CCDC14: variants seen among roughly 807,000 people sequenced by gnomAD.
The protein encoded by CCDC14 is coiled-coil domain-containing protein 14.
In CCDC14, 71 loss-of-function variants were observed where a neutral mutation model predicts 81.4. The observed-to-expected ratio is 0.87, with a 90% confidence interval of 0.72 to 1.06. The LOEUF is 1.06. Among genes scored for constraint, CCDC14 ranks in the 50% least tolerant of loss-of-function variants. The pLI is 0.00. For synonymous variants in CCDC14, 332 were observed against 364.8 expected (o/e 0.91, Z 1.03); for missense variants, 1,046 against 1,047.3 (o/e 1.00, Z 0.02).
At chr3:123,896,133 C>T (rs190793007), downstream of CCDC14, among the ~76,000 whole-genome samples, 5 of 152,278 alleles carry the variant, frequency 3.3e-5, no homozygotes, top group Non-Finnish European at 5.9e-5. Context: ...TTGAGAGATG[C>T]GGTCTTTAAG....
intron 12 of CCDC14, among the ~76,000 whole-genome samples, chr3:123,922,081 G>A (rs1166621739): frequency 1.3e-5 from 2 of 152,130 alleles, no homozygotes; most frequent in Non-Finnish European, 2.9e-5. Context: ...GAAATTTTGG[G>A]AAATTCACAA....
chr3:123,891,779 GCTT>G, the CCDC14 span, among the ~76,000 whole-genome samples: 4 of 152,148 alleles, frequency 2.6e-5, no homozygotes, highest in Non-Finnish European at 5.9e-5. Context: ...TTCCAAAGTT[GCTT>G]CCACATTTTC....
At chr3:123,947,403 A>T in intron 7 of CCDC14, 84 bp from the exon 8 acceptor site, 3 of 887,808 alleles carry the variant, frequency 3.4e-6, no homozygotes, top group Non-Finnish European at 5.0e-6. Flanking sequence ...TATATGAAAT[A>T]TATTTATTAA....
Position 123,961,141 on chromosome 3 carries a change from C to G in CCDC14, c.30+3G>C. On this transcript the variant is annotated splice_donor_region_variant and intron_variant, in intron 1 of 12. Transcript: ENST00000409697. Reference sequence around the variant, plus strand: ...GCGGACTCCTCAGGTCCTCAGCCCTCACCTGGCCCGGTCGAGCTCCAGACC... The same window carrying G: ...GCGGACTCCTCAGGTCCTCAGCCCTGACCTGGCCCGGTCGAGCTCCAGACC... 1.3e-6 allele frequency: 2 copies of G among 1,551,414 alleles called. No individual in the cohort carries two copies. Among genetic ancestry groups the G allele is most frequent in the Non-Finnish European group, 1.7e-6 (2 of 1,146,896 alleles).
chr3:123,906,345 AAAATAAATAAAT>A (rs558961459), intron 5 of CCDC14, among the ~76,000 whole-genome samples: 2 of 151,114 alleles, frequency 1.3e-5, no homozygotes, highest in Non-Finnish European at 1.5e-5. Flanking sequence ...ATAAAAAATT[AAAATAAATAAAT>A]AAATAAATAA....
rs1457893504 is a variant in CCDC14 at position 123,955,898 on chromosome 3, T to C, written c.297A>G (p.Ser99=). 1 of 1,539,146 alleles carries C rather than the reference T, an allele frequency of 6.5e-7. No homozygotes were observed. The highest frequency in any genetic ancestry group is 8.8e-7 in the Non-Finnish European group (1 of 1,139,334). The change falls in exon 5 of 13, where the codon TCA becomes TCG. Residue 99 remains serine, a synonymous_variant. Transcript: ENST00000409697. The stretch of plus-strand genomic sequence containing the variant: ...TATGTTTTTCATGTCTTTTCTTTTT[T>C]GATCCGTATCTTTTGCTTTCTAAAG... The part of the protein sequence containing the change: ...SRPLESKRYG[S]KKKRHEKHTI...
At position 123,946,118 on chromosome 3, in the gene CCDC14, T is replaced by C. The variant is rs1222769954; in HGVS notation, c.1201+685A>G. Among the ~76,000 whole-genome samples the C allele has an allele frequency of 2.0e-5, 3 of 151,092 alleles. No individual in the cohort carries two copies. The East Asian group carries it at 6.0e-4, about 30-fold the overall frequency. On this transcript the variant is annotated intron_variant, in intron 8 of 12. Coordinates refer to ENST00000409697, the MANE Select transcript of CCDC14 (RefSeq NM_001366335.1). The stretch of plus-strand genomic sequence containing the variant: ...CTTTGGTCTAATGGTGCTACATTTA[T>C]ATAGCATTTTAAGATTTTTTTTTTT...
At chr3:123,941,638 T>C (rs554769332) in intron 9 of CCDC14, among the ~76,000 whole-genome samples, 1 of 152,152 alleles carries the variant, frequency 6.6e-6, no homozygotes, top group South Asian at 2.1e-4. Flanking sequence ...TTTAGTTATT[T>C]CATCTTTTAG....
chr3:123,902,266 T>C (rs1303143304), intron 5 of CCDC14, among the ~76,000 whole-genome samples: 2 of 152,232 alleles, frequency 1.3e-5, no homozygotes, highest in African/African-American at 4.8e-5. Context: ...GAGAAAGTTT[T>C]TCTCTATAGA....
rs1559809214 is a variant in CCDC14 at position 123,956,355 on chromosome 3, C to A, written c.159G>T (p.Gln53His). The A allele has an allele frequency of 6.5e-7, 1 of 1,539,806 alleles. No individual in the cohort carries two copies. Among genetic ancestry groups the A allele is most frequent in the African/African-American group, 1.4e-5 (1 of 72,544 alleles). The part of the protein sequence containing the change: ...GYSIHSDSES[Q>H]AETVHGLDGC... ...GTGTATTGTATCTATTCAATCTTAC[C>A]TGACTTTCTGAATCAGAATGGATGG... The change falls in exon 3 of 13, where the codon CAG becomes CAT. Residue 53 changes from glutamine to histidine, a missense_variant and splice_region_variant. By Grantham distance (24) the Gln-to-His change is conservative (BLOSUM62 0). Transcript: ENST00000409697.
chr3:123,925,493 T>C (rs543847165), intron 12 of CCDC14, among the ~76,000 whole-genome samples: 1 of 152,258 alleles, frequency 6.6e-6, no homozygotes, highest in South Asian at 2.1e-4. Context: ...TGGAGTACAG[T>C]GGTGCAATCT....
chr3:123,896,221 A>T (rs1489801050), downstream of CCDC14, among the ~76,000 whole-genome samples: 1 of 152,150 alleles, frequency 6.6e-6, no homozygotes, highest in Non-Finnish European at 1.5e-5. Context: ...GCTTTATAAG[A>T]AGAGGACTAG....
chr3:123,896,154 G>A (rs980766608), downstream of CCDC14, among the ~76,000 whole-genome samples: 2 of 152,190 alleles, frequency 1.3e-5, no homozygotes, highest in Admixed American at 1.3e-4. Context: ...AAGTGTTTGG[G>A]TCATGGATTA....
chr3:123,917,754 A>C (rs985425582), intron 12 of CCDC14, among the ~76,000 whole-genome samples: 1 of 152,094 alleles, frequency 6.6e-6, no homozygotes, highest in Non-Finnish European at 1.5e-5. Context: ...GTACAGTGGT[A>C]TAACTCTTCT....
the CCDC14 span, among the ~76,000 whole-genome samples, chr3:123,892,013 C>A: frequency 6.6e-6 from 1 of 150,782 alleles, no homozygotes; most frequent in African/African-American, 2.5e-5. Context: ...AAAGAGAGAG[C>A]TTGTGCAGGG....
chr3:123,934,460 T>C (rs758844333), intron 9 of CCDC14, among the ~76,000 whole-genome samples: 1 of 152,112 alleles, frequency 6.6e-6, no homozygotes, highest in Non-Finnish European at 1.5e-5. Context: ...TTGTCATTAC[T>C]ATCAACTAGA....
chr3:123,915,996 C>CTTTTTTTTTT (rs55792519), intron 12 of CCDC14, among the ~76,000 whole-genome samples: 1 of 139,446 alleles, frequency 7.2e-6, no homozygotes, highest in Non-Finnish European at 1.5e-5. Context: ...ATGTTTTACT[C>CTTTTTTTTTT]TTTTTTTTTT....
intron 12 of CCDC14, among the ~76,000 whole-genome samples, chr3:123,920,035 C>G (rs1022756858): frequency 6.6e-6 from 1 of 151,732 alleles, no homozygotes; most frequent in Non-Finnish European, 1.5e-5. Context: ...AATTAACAAA[C>G]AAAACAATAA....
chr3:123,906,251 A>T (rs933073537), intron 5 of CCDC14, among the ~76,000 whole-genome samples: 1 of 152,110 alleles, frequency 6.6e-6, no homozygotes, highest in Non-Finnish European at 1.5e-5. Flanking sequence ...AATGGCGTGA[A>T]CACGGGAGGC....
Sources: allele counts gnomAD v4.1 joint callset (sites outside exome capture counted in the v4.1 genomes callset), GRCh38; gene constraint gnomAD v4.1.1; transcripts MANE v1.5; gene names NCBI Gene and HGNC (gene_info 2026-07-23, HGNC 2026-07-21).